Variants in PALM2AKAP2 observed in about 807,000 individuals in gnomAD.
PALM2AKAP2 encodes the protein PALM2-AKAP2 fusion protein.
PALM2AKAP2 carries 37 observed loss-of-function variants against 71.5 expected under a neutral mutation model. The ratio of observed to expected loss-of-function variants is 0.52; its 90% CI spans 0.40 to 0.68. The LOEUF is 0.68. PALM2AKAP2 is among the 30% of genes least tolerant of loss of function. The pLI is 0.00. For missense variants in PALM2AKAP2, 1,224 were observed against 1,191.8 expected (o/e 1.03, Z -0.40); for synonymous variants, 468 against 478.8 (o/e 0.98, Z 0.29).
chr9:110,068,828 C>T (rs1008322757), intron 1 of PALM2AKAP2, among the ~76,000 whole-genome samples: 6 of 152,188 alleles, frequency 3.9e-5, no homozygotes, highest in African/African-American at 1.4e-4. Flanking sequence ...CTGCCACACC[C>T]AGCCTGGAAC....
intron 3 of PALM2AKAP2, among the ~76,000 whole-genome samples, chr9:109,888,687 G>A (rs1417412267): frequency 7.8e-6 from 1 of 127,546 alleles, no homozygotes; most frequent in African/African-American, 3.1e-5. Context: ...TCCAGCCTGG[G>A]CATCAAGAGC....
chr9:109,921,940 T>C (rs1261670211), intron 3 of PALM2AKAP2, among the ~76,000 whole-genome samples: 1 of 152,154 alleles, frequency 6.6e-6, no homozygotes, highest in Non-Finnish European at 1.5e-5. Context: ...CTGCAAAGAT[T>C]ATCCCTCCAG....
intron 1 of PALM2AKAP2, among the ~76,000 whole-genome samples, chr9:109,654,779 A>ATG (rs1339607108): frequency 2.3e-4 from 28 of 124,152 alleles, no homozygotes; most frequent in African/African-American, 7.2e-4. Flanking sequence ...GTGTGTGTGT[A>ATG]TATGTATTAA....
At chr9:109,816,730 A>C (rs991126568) in intron 1 of PALM2AKAP2, among the ~76,000 whole-genome samples, 4 of 152,232 alleles carry the variant, frequency 2.6e-5, no homozygotes, top group African/African-American at 9.6e-5. Context: ...GATGTACGGA[A>C]GTGACCAGAA....
At chr9:109,931,859 T>A in intron 5 of PALM2AKAP2, 68 bp from the exon 6 acceptor site, 1 of 1,547,920 alleles carries the variant, frequency 6.5e-7, no homozygotes, top group South Asian at 1.2e-5. Flanking sequence ...CAAGCTGCTG[T>A]CTCGGCAGTG....
intron 1 of PALM2AKAP2, among the ~76,000 whole-genome samples, chr9:109,674,707 T>A (rs73657036): frequency 0.034 from 5,163 of 152,192 alleles, 127 homozygotes; most frequent in African/African-American, 0.054. Context: ...ATAGGCTACT[T>A]TCTATTCCAT....
At chr9:109,767,316 C>G (rs183017739) in intron 1 of PALM2AKAP2, among the ~76,000 whole-genome samples, 2 of 152,192 alleles carry the variant, frequency 1.3e-5, no homozygotes, top group African/African-American at 2.4e-5. Context: ...GCCGCCCCAC[C>G]GGCCTGTGCC....
intron 6 of PALM2AKAP2, among the ~76,000 whole-genome samples, chr9:109,985,175 CA>C (rs905065937): frequency 2.6e-5 from 4 of 151,546 alleles, no homozygotes; most frequent in Non-Finnish European, 4.4e-5. Context: ...GACTCCGTCT[CA>C]AAAAAACAAA....
At chr9:109,877,445 C>T (rs1159915379) in intron 2 of PALM2AKAP2, among the ~76,000 whole-genome samples, 2 of 151,932 alleles carry the variant, frequency 1.3e-5, no homozygotes, top group Non-Finnish European at 2.9e-5. Flanking sequence ...ACAGGGGGAA[C>T]AGATGTAAAA....
intron 1 of PALM2AKAP2, among the ~76,000 whole-genome samples, chr9:109,790,119 GCC>G (rs1827075272): frequency 1.3e-5 from 2 of 152,138 alleles, no homozygotes; most frequent in Admixed American, 1.3e-4. Context: ...CAAGATAAAA[GCC>G]CCAGCTGTAG....
chr9:109,898,607 A>AGGAGTCTCGAT (rs1169448034), intron 3 of PALM2AKAP2, among the ~76,000 whole-genome samples: 6 of 152,234 alleles, frequency 3.9e-5, no homozygotes, highest in Non-Finnish European at 8.8e-5. Context: ...ATTAAACATT[A>AGGAGTCTCGAT]GGAGTCTCGA....
At chr9:109,971,111 G>A (rs1207525141) in intron 6 of PALM2AKAP2, among the ~76,000 whole-genome samples, 1 of 151,668 alleles carries the variant, frequency 6.6e-6, no homozygotes, top group Non-Finnish European at 1.5e-5. Flanking sequence ...TAAAATAAAA[G>A]TTTCCTTAGA....
At chr9:109,700,280 C>T (rs574589892) in intron 1 of PALM2AKAP2, among the ~76,000 whole-genome samples, 1 of 152,060 alleles carries the variant, frequency 6.6e-6, no homozygotes, top group Non-Finnish European at 1.5e-5. Context: ...GTGCTGCTCT[C>T]CTGATACTGA....
At chr9:110,074,597 C>A (rs938280439) in intron 1 of PALM2AKAP2, among the ~76,000 whole-genome samples, 1 of 152,178 alleles carries the variant, frequency 6.6e-6, no homozygotes, top group East Asian at 1.9e-4. Context: ...AATAACGAGG[C>A]ATTATGTCTG....
intron 1 of PALM2AKAP2, among the ~76,000 whole-genome samples, chr9:110,127,240 T>A (rs150172616): frequency 1.3e-3 from 203 of 152,296 alleles, no homozygotes; most frequent in African/African-American, 4.7e-3. Flanking sequence ...AGGAGATCCA[T>A]GGAGGCAAAC....
At chr9:109,981,985 G>A (rs1415006205) in intron 6 of PALM2AKAP2, among the ~76,000 whole-genome samples, 1 of 152,166 alleles carries the variant, frequency 6.6e-6, no homozygotes, top group Admixed American at 6.5e-5. Context: ...ATATTGAAGA[G>A]ATGCCTGCAC....
chr9:109,647,607 C>T (rs1827172359), intron 1 of PALM2AKAP2, among the ~76,000 whole-genome samples: 3 of 152,132 alleles, frequency 2.0e-5, no homozygotes. Flanking sequence ...CAACCCTAGC[C>T]ACATTATATA....
chr9:109,998,012 G>A (rs1391084141), intron 6 of PALM2AKAP2, among the ~76,000 whole-genome samples: 1 of 152,218 alleles, frequency 6.6e-6, no homozygotes, highest in East Asian at 1.9e-4. Flanking sequence ...AAATCCACAG[G>A]GTTACTTGGA....
At chr9:110,094,597 T>C (rs10980192) in intron 1 of PALM2AKAP2, among the ~76,000 whole-genome samples, 30,812 of 133,490 alleles carry the variant, frequency 0.23, 4,368 homozygotes, top group African/African-American at 0.44. Flanking sequence ...AGAAAGGGAG[T>C]GGGGAGGTGC....
Sources: allele counts gnomAD v4.1 joint callset (sites outside exome capture counted in the v4.1 genomes callset), GRCh38; gene constraint gnomAD v4.1.1; transcripts MANE v1.5; gene names NCBI Gene and HGNC (gene_info 2026-07-23, HGNC 2026-07-21).